PRKG2: variants seen among roughly 807,000 people sequenced by gnomAD.
The protein encoded by PRKG2 is cGMP-dependent protein kinase 2.
Under a neutral mutation model 97.2 loss-of-function variants are expected in PRKG2, and 33 were observed. That is an observed-to-expected ratio of 0.34 (90% CI 0.26 to 0.45). The LOEUF is 0.45. PRKG2 is among the 20% of genes least tolerant of loss of function. PRKG2 has a pLI of 1.00. For synonymous variants in PRKG2, 330 were observed against 321.8 expected (o/e 1.03, Z -0.27); for missense variants, 638 against 900.0 (o/e 0.71, Z 3.73).
intron 6 of PRKG2, among the ~76,000 whole-genome samples, chr4:81,161,109 T>C (rs1244181681): frequency 1.3e-5 from 2 of 152,216 alleles, no homozygotes; most frequent in African/African-American, 4.8e-5. Context: ...GATCATTTAT[T>C]CTTAAAACCT....
At chr4:81,171,612 A>G in intron 4 of PRKG2, 79 bp downstream of exon 4, 2 of 1,031,294 alleles carry the variant, frequency 1.9e-6, no homozygotes, top group Non-Finnish European at 2.8e-6. Context: ...ACTGTGGATC[A>G]GGGTGCAAAT....
chr4:81,090,176 G>A (rs1259316319), intron 18 of PRKG2, among the ~76,000 whole-genome samples: 1 of 152,128 alleles, frequency 6.6e-6, no homozygotes, highest in African/African-American at 2.4e-5. Context: ...TGGCCAATGT[G>A]GTGAAACTCC....
At position 81,136,800 on chromosome 4, in the gene PRKG2, T is replaced by C. The variant is rs560513541; in HGVS notation, c.1634+593A>G. On this transcript the variant is annotated intron_variant, in intron 13 of 18. Transcript: ENST00000264399. Reference sequence around the variant, plus strand: ...AACAATGAAATGTTTTAAAACTGTATACCTAATCTCCCAAGGAAACTCTAA... The same window carrying C: ...AACAATGAAATGTTTTAAAACTGTACACCTAATCTCCCAAGGAAACTCTAA... Among the ~76,000 whole-genome samples, 190 of 152,350 alleles carry C rather than the reference T, an allele frequency of 1.2e-3. 2 individuals are homozygous for C. In the South Asian group the frequency reaches 0.013, roughly 10 times the overall value.
chr4:81,171,619 A>G (rs1003176315), intron 4 of PRKG2, 72 bp downstream of exon 4: 1 of 1,187,282 alleles, frequency 8.4e-7, no homozygotes, highest in African/African-American at 1.5e-5. Flanking sequence ...ATCAGGGTGC[A>G]AATGTGACTG....
At chr4:81,191,393 T>G (rs566028277) in intron 2 of PRKG2, among the ~76,000 whole-genome samples, 1 of 151,606 alleles carries the variant, frequency 6.6e-6, no homozygotes, top group Admixed American at 6.6e-5. Flanking sequence ...TGAGAGCACA[T>G]GGACTCAGGG....
Position 81,140,680 on chromosome 4 carries a change from A to C in PRKG2, c.1408-11T>G. The C allele has an allele frequency of 6.3e-7, 1 of 1,595,814 alleles. No individual in the cohort carries two copies. Among genetic ancestry groups the C allele is most frequent in the Non-Finnish European group, 8.6e-7 (1 of 1,164,432 alleles). ...ATTTTTTACTTTAACCTATGTAAGA[A>C]ATGGAAAGATACCTCAAAATTAACT... is the stretch of plus-strand genomic sequence containing the variant. On this transcript the variant is annotated splice_polypyrimidine_tract_variant and intron_variant, in intron 11 of 18. Coordinates refer to ENST00000264399, the MANE Select transcript of PRKG2 (RefSeq NM_006259.3).
intron 14 of PRKG2, among the ~76,000 whole-genome samples, chr4:81,125,160 T>A (rs1358688207): frequency 1.3e-5 from 2 of 152,210 alleles, no homozygotes; most frequent in East Asian, 1.9e-4. Context: ...TACAATTTTT[T>A]AAATTGATTT....
At chr4:81,130,112 T>G (rs1746020499) in intron 14 of PRKG2, among the ~76,000 whole-genome samples, 1 of 152,130 alleles carries the variant, frequency 6.6e-6, no homozygotes, top group South Asian at 2.1e-4. Context: ...TTTTGTGCTG[T>G]TTTTTCCTCA....
In PRKG2 at chr4:81,201,608, C is replaced by G. The variant is rs562550869; in HGVS notation, c.461+2979G>C. Among the ~76,000 whole-genome samples the G allele has an allele frequency of 9.2e-5, 14 of 152,276 alleles. No homozygotes were observed. In the East Asian group the frequency reaches 2.1e-3, roughly 23 times the overall value. ...TGGTGGTGCCTAGCAATTGAAGAGG[C>G]TCACTCACCACTTATGATATATCTA... On this transcript the variant is annotated intron_variant, in intron 2 of 18. Transcript: ENST00000264399.
intron 9 of PRKG2, among the ~76,000 whole-genome samples, chr4:81,145,974 T>C (rs1289597846): frequency 6.6e-6 from 1 of 152,140 alleles, no homozygotes; most frequent in Admixed American, 6.6e-5. Context: ...CTGTGCAGGG[T>C]ATTTTTCCTT....
In PRKG2 at chr4:81,204,760, G is replaced by A. The variant is rs756771595; in HGVS notation, c.288C>T (p.Ala96=). 2.5e-6 allele frequency: 4 copies of A among 1,614,064 alleles called. No individual in the cohort carries two copies. In the East Asian group the frequency reaches 8.9e-5, roughly 36 times the overall value. The change falls in exon 2 of 19, where the codon GCC becomes GCT. Residue 96 remains alanine, a synonymous_variant. Coordinates refer to ENST00000264399, the MANE Select transcript of PRKG2 (RefSeq NM_006259.3). ...CCTCAAGAGGCACTTTATCTGGAGA[G>A]GCCTGAAGCGGGCTTCCTCCCTGCA... The part of the protein sequence containing the change: ...VHMQGGSPLQ[A]SPDKVPLEVH...
chr4:81,118,700 G>A (rs1218339994), intron 14 of PRKG2, among the ~76,000 whole-genome samples: 1 of 152,236 alleles, frequency 6.6e-6, no homozygotes, highest in East Asian at 1.9e-4. Context: ...CCTTTATCAA[G>A]TATGTTTTTT....
chr4:81,098,781 C>T (rs2109955221), intron 17 of PRKG2, among the ~76,000 whole-genome samples: 1 of 152,078 alleles, frequency 6.6e-6, no homozygotes, highest in African/African-American at 2.4e-5. Context: ...ATACTAACAT[C>T]AAAGATCAAT....
chr4:81,138,316 C>T (rs1383182481), intron 12 of PRKG2, among the ~76,000 whole-genome samples: 1 of 151,948 alleles, frequency 6.6e-6, no homozygotes, highest in Non-Finnish European at 1.5e-5. Context: ...ATCAAGAGAC[C>T]CCCTTTTCTC....
At chr4:81,126,430 T>C (rs1745569856) in intron 14 of PRKG2, among the ~76,000 whole-genome samples, 1 of 152,208 alleles carries the variant, frequency 6.6e-6, no homozygotes, top group Non-Finnish European at 1.5e-5. Flanking sequence ...TTTCTGGTTC[T>C]AGATCCTTGA....
intron 13 of PRKG2, among the ~76,000 whole-genome samples, chr4:81,136,772 C>T (rs1182729371): frequency 6.6e-6 from 1 of 152,152 alleles, no homozygotes; most frequent in African/African-American, 2.4e-5. Flanking sequence ...AGTTTTCTCA[C>T]TAAACAATGA....
chr4:81,115,140 A>T (rs1461331795), intron 14 of PRKG2, among the ~76,000 whole-genome samples: 2 of 152,152 alleles, frequency 1.3e-5, no homozygotes, highest in Non-Finnish European at 2.9e-5. Flanking sequence ...ACAAGAGTAA[A>T]AATGCTGGGT....
intron 2 of PRKG2, among the ~76,000 whole-genome samples, chr4:81,184,040 TG>T (rs1354039188): frequency 1.3e-5 from 2 of 152,120 alleles, no homozygotes; most frequent in Non-Finnish European, 2.9e-5. Flanking sequence ...ACAGAGCACC[TG>T]GGGGAAAGGG....
chr4:81,166,295 T>C (rs910815516), intron 6 of PRKG2, among the ~76,000 whole-genome samples: 4 of 152,052 alleles, frequency 2.6e-5, no homozygotes, highest in Admixed American at 2.6e-4. Context: ...ACAATCAGCC[T>C]TGCAGGGTTT....
Sources: allele counts gnomAD v4.1 joint callset (sites outside exome capture counted in the v4.1 genomes callset), GRCh38; gene constraint gnomAD v4.1.1; transcripts MANE v1.5; gene names NCBI Gene and HGNC (gene_info 2026-07-23, HGNC 2026-07-21).